GBE1: variants seen among roughly 807,000 people sequenced by gnomAD.
GBE1 encodes the protein 1,4-alpha-glucan branching enzyme 1.
A neutral mutation model predicts 88.8 loss-of-function variants in GBE1; 70 were observed. The observed-to-expected ratio is 0.79, with a 90% CI of 0.65 to 0.96. GBE1 has a LOEUF of 0.96. Among genes scored for constraint, GBE1 ranks in the 40% least tolerant of loss-of-function variants. GBE1 has a pLI of 0.00. For missense variants in GBE1, 872 were observed against 871.0 expected (o/e 1.00, Z -0.01); for synonymous variants, 284 against 300.1 (o/e 0.95, Z 0.56).
intron 3 of GBE1, among the ~76,000 whole-genome samples, chr3:81,659,462 A>T (rs969611223): frequency 2.0e-5 from 3 of 151,366 alleles, no homozygotes; most frequent in Non-Finnish European, 4.4e-5. Flanking sequence ...CAGCCTCCCA[A>T]GTAGCTGGGA....
At chr3:81,750,645 GTATA>G (rs557781058) in intron 1 of GBE1, among the ~76,000 whole-genome samples, 17 of 47,712 alleles carry the variant, frequency 3.6e-4, no homozygotes, top group East Asian at 1.9e-3. Context: ...ATATATATAT[GTATA>G]TATATATATG....
At chr3:81,580,181 C>T (rs755637076) in intron 11 of GBE1, among the ~76,000 whole-genome samples, 13 of 152,076 alleles carry the variant, frequency 8.5e-5, no homozygotes, top group Non-Finnish European at 1.6e-4. Context: ...TTTTAATCTA[C>T]AAAAAGTAAA....
chr3:81,515,277 TC>T (rs1389299713), intron 14 of GBE1, among the ~76,000 whole-genome samples: 1 of 151,450 alleles, frequency 6.6e-6, no homozygotes, highest in East Asian at 1.9e-4. Context: ...TCAAACTTTT[TC>T]ATTATTAATA....
chr3:81,574,957 G>A (rs1464322008), intron 12 of GBE1, among the ~76,000 whole-genome samples: 4 of 152,146 alleles, frequency 2.6e-5, no homozygotes, highest in Admixed American at 1.3e-4. Context: ...GAGGTCAGGA[G>A]ATCGAGATCA....
rs77496012 is a variant in GBE1 at position 81,580,823 on chromosome 3, A to G, written c.1446+342T>C. ...CTCTAGAAGGCAGCCTAAGACGGAA[A>G]CTAAAATAAACCTGGTCCAGCACCA... On this transcript the variant is annotated intron_variant, in intron 11 of 15. Transcript: ENST00000429644. Among the ~76,000 whole-genome samples the G allele has an allele frequency of 1.1e-3, 167 of 152,188 alleles. 1 individual carries two copies. The East Asian group carries it at 0.027, about 25-fold the overall frequency.
chr3:81,504,058 G>A (rs1005867935), intron 14 of GBE1, among the ~76,000 whole-genome samples: 4 of 152,138 alleles, frequency 2.6e-5, no homozygotes, highest in African/African-American at 4.8e-5. Flanking sequence ...CAGCTCTCAT[G>A]TGAGTGAGAA....
chr3:81,593,525 T>C (rs1247586441), intron 8 of GBE1, among the ~76,000 whole-genome samples: 1 of 151,890 alleles, frequency 6.6e-6, no homozygotes, highest in Non-Finnish European at 1.5e-5. Flanking sequence ...TTTAACCAGG[T>C]AAATCTGCAA....
In GBE1 at chr3:81,642,928, A is replaced by G; in HGVS notation, c.845T>C (p.Ile282Thr). 1 of 1,613,074 alleles carries G rather than the reference A, an allele frequency of 6.2e-7. No homozygotes were observed. Among genetic ancestry groups the G allele is most frequent in the Non-Finnish European group, 8.5e-7 (1 of 1,179,288 alleles). The change falls in exon 7 of 16, where the codon ATA (isoleucine) becomes ACA (threonine). Residue 282 changes from isoleucine (I) to threonine (T), a missense_variant. Transcript: ENST00000429644. ...GCTGTGTACCACATCTAAGAGGACT[A>G]TGATACCCATGGAATGAGCTGTGTC... ...LVDTAHSMGI[I>T]VLLDVVHSHA... is the part of the protein sequence containing the mutation.
chr3:81,737,833 T>C (rs1347133287), intron 1 of GBE1, among the ~76,000 whole-genome samples: 1 of 152,170 alleles, frequency 6.6e-6, no homozygotes, highest in Non-Finnish European at 1.5e-5. Context: ...ACATGTGACA[T>C]GCTGGTGCGC....
At chr3:81,706,673 C>T (rs538123551) in intron 1 of GBE1, among the ~76,000 whole-genome samples, 3 of 152,264 alleles carry the variant, frequency 2.0e-5, no homozygotes, top group African/African-American at 7.2e-5. Context: ...TAATGAACCA[C>T]ATCTCAACTT....
intron 1 of GBE1, among the ~76,000 whole-genome samples, chr3:81,746,027 T>A (rs1475622273): frequency 1.3e-5 from 2 of 152,168 alleles, no homozygotes; most frequent in African/African-American, 4.8e-5. Flanking sequence ...AATACTGACA[T>A]TAGTTAAGAT....
intron 13 of GBE1, 82 bp from the exon 14 acceptor site, chr3:81,535,407 G>C: frequency 7.3e-7 from 1 of 1,371,040 alleles, no homozygotes; most frequent in South Asian, 1.4e-5. Context: ...TTTCTTAATA[G>C]TCTGGTTATT....
At chr3:81,575,124 C>T (rs537546825) in intron 12 of GBE1, among the ~76,000 whole-genome samples, 2 of 149,534 alleles carry the variant, frequency 1.3e-5, no homozygotes, top group South Asian at 4.2e-4. Context: ...GAGATTGCAT[C>T]ACGGCACTCC....
chr3:81,726,501 T>A (rs1706114026), intron 1 of GBE1, among the ~76,000 whole-genome samples: 1 of 152,068 alleles, frequency 6.6e-6, no homozygotes, highest in Non-Finnish European at 1.5e-5. Flanking sequence ...AGAAAAAAAT[T>A]TAAGGTGAAA....
intron 14 of GBE1, among the ~76,000 whole-genome samples, chr3:81,510,030 A>T (rs1043980368): frequency 6.6e-6 from 1 of 152,108 alleles, no homozygotes; most frequent in Non-Finnish European, 1.5e-5. Context: ...GTTGACATGG[A>T]TACATGATTC....
intron 12 of GBE1, among the ~76,000 whole-genome samples, chr3:81,567,960 C>A (rs1356422956): frequency 1.3e-5 from 2 of 152,134 alleles, no homozygotes; most frequent in Non-Finnish European, 2.9e-5. Context: ...CTCCTGCCTG[C>A]CTTTCCTATT....
In GBE1 at chr3:81,536,924, A is replaced by G. The variant is rs1233327045; in HGVS notation, c.1790T>C (p.Leu597Pro). The stretch of plus-strand genomic sequence containing the variant: ...TGAAGAGCTTACCTGTGGAGCTGCA[A>G]GCCAACCATATCTTTCTTCCAATCT... The part of the protein sequence containing the change: ...MNRLEERYGW[L>P]AAPQAYVSEK... Residue 597 changes from leucine to proline, a missense_variant, in exon 13 of 16, where the codon CTT becomes CCT. Coordinates refer to ENST00000429644, the MANE Select transcript of GBE1 (RefSeq NM_000158.4). 2 of 1,586,624 alleles carry G rather than the reference A, an allele frequency of 1.3e-6. No individual in the cohort carries two copies. Among genetic ancestry groups the G allele is most frequent in the Non-Finnish European group, 1.7e-6 (2 of 1,168,538 alleles).
chr3:81,637,921 G>A (rs1335442878), intron 7 of GBE1, among the ~76,000 whole-genome samples: 1 of 152,054 alleles, frequency 6.6e-6, no homozygotes, highest in Non-Finnish European at 1.5e-5. Flanking sequence ...CCTCAGGAAT[G>A]CAAGACTGGC....
intron 3 of GBE1, among the ~76,000 whole-genome samples, chr3:81,668,192 CAACA>C (rs1466688502): frequency 1.3e-5 from 2 of 151,984 alleles, no homozygotes; most frequent in Admixed American, 1.3e-4. Context: ...GGGAGGAGAA[CAACA>C]CACACCAGGG....
Sources: gnomAD v4.1 joint callset for allele counts (sites outside exome capture counted in the v4.1 genomes callset) on GRCh38, gnomAD v4.1.1 for gene constraint, MANE v1.5 for transcripts, NCBI Gene and HGNC (gene_info 2026-07-23, HGNC 2026-07-21) for gene names.